The following CENPP variants were observed in gnomAD, a reference collection of about 807,000 sequenced individuals.
CENPP encodes centromere protein P.
In CENPP, 24 loss-of-function variants were observed where a neutral mutation model predicts 35.6. The ratio of observed to expected loss-of-function variants is 0.67; its 90% CI spans 0.49 to 0.95. The LOEUF (loss-of-function observed/expected upper bound fraction) is 0.95. Ranked by LOEUF, CENPP falls within the 40% of genes least tolerant of loss-of-function variation. The pLI is 0.00. For synonymous variants in CENPP, 120 were observed against 125.5 expected (o/e 0.96, Z 0.29); for missense variants, 332 against 345.3 (o/e 0.96, Z 0.31).
intron 5 of CENPP, among the ~76,000 whole-genome samples, chr9:92,410,232 A>G (rs1843410168): frequency 6.6e-6 from 1 of 152,156 alleles, no homozygotes; most frequent in South Asian, 2.1e-4. Flanking sequence ...CACCGTGCCC[A>G]GCCTCATTGT....
chr9:92,619,098 G>A lies in CENPP; in HGVS notation c.*5949G>A, dbSNP rs1851540173. The A allele has an allele frequency of 8.8e-6, 2 of 226,768 alleles. No individual in the cohort carries two copies. The highest frequency in any genetic ancestry group is 1.8e-5 in the Non-Finnish European group (2 of 112,988). 14.0% of individuals were successfully genotyped at this position (226,768 alleles called of 1,614,324 possible). ...ACTGTGGTGGTAAAAAGGCAGGTGC[G>A]CCATGCTGCCACTGTGGGAGACCGA... On this transcript the variant is annotated 3_prime_UTR_variant, in exon 8 of 8. Coordinates refer to ENST00000375587, the MANE Select transcript of CENPP (RefSeq NM_001012267.3).
Position 92,558,794 on chromosome 9 carries a change from G to T in CENPP, c.565-52520G>T, listed in dbSNP as rs139441595. ...GCTAGGTGTGTTTGAGCTCTCCTTGGGTGGGTCTTGCTGCGGCTGCTGTGG... is the reference window on the plus strand; with the variant it reads ...GCTAGGTGTGTTTGAGCTCTCCTTGTGTGGGTCTTGCTGCGGCTGCTGTGG... On this transcript the variant is annotated intron_variant, in intron 5 of 7. Transcript: ENST00000375587. Among the ~76,000 whole-genome samples the T allele has an allele frequency of 3.3e-5, 5 of 152,128 alleles. No individual in the cohort carries two copies. The South Asian group carries it at 6.2e-4, about 19-fold the overall frequency.
chr9:92,611,520 G>C lies in CENPP; in HGVS notation c.644+127G>C, dbSNP rs976265412. On this transcript the variant is annotated intron_variant, in intron 6 of 7. Transcript: ENST00000375587. ...AAGAACTAAAGGTCGTCGGTTGGAG[G>C]AATCAGTGGTCCCAGCAGATATGCC... 1.9e-5 allele frequency: 13 copies of C among 701,592 alleles called. No homozygotes were observed. In the African/African-American group the frequency reaches 2.0e-4, roughly 11 times the overall value. The allele number at this position is 701,592 out of a possible 1,614,324, so 43.5% of individuals were successfully genotyped here. A position where few individuals can be genotyped will look rare whatever the true frequency, so the allele number is the denominator to read the frequency against.
At chr9:92,386,269 A>G in intron 5 of CENPP, 2 of 1,613,514 alleles carry the variant, frequency 1.2e-6, no homozygotes, top group Non-Finnish European at 1.7e-6. Context: ...TTATGGTCCA[A>G]GTAGAGGAAG....
rs146201969 is a variant in CENPP, at chr9:92,394,283, C to T, written c.564+14424C>T. ...TTTGAGACAGAGTCTTGCCCTGTTG[C>T]TCATGCTGGAGTGTGGTGGTGTGAT... On this transcript the variant is annotated intron_variant, in intron 5 of 7. Transcript: ENST00000375587. 3.9e-3 allele frequency among the ~76,000 whole-genome samples: 593 copies of T among 152,156 alleles called. 2 individuals are homozygous for T. The highest frequency in any genetic ancestry group is 0.013 in the African/African-American group (550 of 41,530).
At chr9:92,416,185 C>T (rs185949891) in intron 5 of CENPP, among the ~76,000 whole-genome samples, 55 of 150,808 alleles carry the variant, frequency 3.6e-4, no homozygotes, top group Admixed American at 2.9e-3. Context: ...CTGCAACCTC[C>T]GATTCCTGGG....
chr9:92,356,377 G>A (rs1841589350), intron 4 of CENPP, among the ~76,000 whole-genome samples: 3 of 152,202 alleles, frequency 2.0e-5, no homozygotes, highest in African/African-American at 4.8e-5. Context: ...CTTTTTGCCC[G>A]ACCCCACAGG....
chr9:92,355,863 A>C (rs1841575665), intron 4 of CENPP, among the ~76,000 whole-genome samples: 2 of 152,240 alleles, frequency 1.3e-5, no homozygotes, highest in Non-Finnish European at 2.9e-5. Context: ...AAATATACTG[A>C]AACTATTTCA....
chr9:92,391,699 A>G (rs1482141158), intron 5 of CENPP, among the ~76,000 whole-genome samples: 2 of 152,232 alleles, frequency 1.3e-5, no homozygotes, highest in African/African-American at 4.8e-5. Flanking sequence ...GACTGTGAAC[A>G]GGGCATTTAT....
At chr9:92,361,836 A>G (rs1179199831) in intron 4 of CENPP, among the ~76,000 whole-genome samples, 3 of 152,132 alleles carry the variant, frequency 2.0e-5, no homozygotes, top group Admixed American at 2.0e-4. Flanking sequence ...CAGTGCAGTG[A>G]TCAACTTCAT....
chr9:92,461,994 T>C (rs1845132019), intron 5 of CENPP, among the ~76,000 whole-genome samples: 1 of 152,132 alleles, frequency 6.6e-6, no homozygotes, highest in Non-Finnish European at 1.5e-5. Context: ...CTTTTCTTTT[T>C]TGTGGCAGGG....
intron 5 of CENPP, among the ~76,000 whole-genome samples, chr9:92,443,454 C>T (rs1844472601): frequency 6.6e-6 from 1 of 152,072 alleles, no homozygotes; most frequent in Admixed American, 6.6e-5. Flanking sequence ...ATAGCTAGCT[C>T]GTTAACTGAA....
chr9:92,439,379 T>A (rs954489480), intron 5 of CENPP, among the ~76,000 whole-genome samples: 1 of 152,002 alleles, frequency 6.6e-6, no homozygotes, highest in Non-Finnish European at 1.5e-5. Context: ...ATTTAAAATA[T>A]ATATATTTTT....
At chr9:92,546,233 TC>T (rs1849442106) in intron 5 of CENPP, among the ~76,000 whole-genome samples, 1 of 152,122 alleles carries the variant, frequency 6.6e-6, no homozygotes, top group South Asian at 2.1e-4. Flanking sequence ...AACAGACCAA[TC>T]AGCTCTCTGT....
intron 5 of CENPP, among the ~76,000 whole-genome samples, chr9:92,514,273 A>G (rs947334639): frequency 7.2e-6 from 1 of 139,516 alleles, no homozygotes; most frequent in African/African-American, 2.6e-5. Flanking sequence ...AGAGTCATTT[A>G]CTTTTTTTTT....
intron 5 of CENPP, among the ~76,000 whole-genome samples, chr9:92,565,615 A>G (rs979880969): frequency 3.3e-5 from 5 of 152,212 alleles, no homozygotes; most frequent in Non-Finnish European, 7.3e-5. Context: ...ATTTCTGATC[A>G]CAGAGATACA....
chr9:92,588,748 A>G (rs1260306867), intron 5 of CENPP, among the ~76,000 whole-genome samples: 1 of 152,156 alleles, frequency 6.6e-6, no homozygotes, highest in Non-Finnish European at 1.5e-5. Flanking sequence ...AACGCAGACA[A>G]TATCAAGTGC....
At chr9:92,403,291 T>C in intron 5 of CENPP, 1 of 1,611,524 alleles carries the variant, frequency 6.2e-7, no homozygotes, top group Non-Finnish European at 8.5e-7. Flanking sequence ...ATATGGATTC[T>C]TCAAAATTAT....
At chr9:92,396,597 G>T (rs1842901621) in intron 5 of CENPP, among the ~76,000 whole-genome samples, 1 of 149,410 alleles carries the variant, frequency 6.7e-6, no homozygotes, top group South Asian at 2.1e-4. Context: ...AAGATCTCAT[G>T]CTGTCACTCA....
Sources: gnomAD v4.1 joint callset for allele counts (sites outside exome capture counted in the v4.1 genomes callset) on GRCh38, gnomAD v4.1.1 for gene constraint, MANE v1.5 for transcripts, NCBI Gene and HGNC (gene_info 2026-07-23, HGNC 2026-07-21) for gene names.